FRYL: variants seen among roughly 807,000 people sequenced by gnomAD.
FRYL encodes the protein protein furry homolog-like.
In FRYL, 150 loss-of-function variants were observed where a neutral mutation model predicts 351.2. The ratio of observed to expected loss-of-function variants is 0.43; its 90% CI spans 0.37 to 0.49. The LOEUF (loss-of-function observed/expected upper bound fraction) is 0.49, where lower values mean the gene tolerates loss of function less well. Among genes scored for constraint, FRYL ranks in the 20% least tolerant of loss-of-function variants. The pLI, the probability that FRYL is intolerant of heterozygous loss-of-function variation, is 0.00. For missense variants in FRYL, 3,036 were observed against 3,619.3 expected, an observed-to-expected ratio of 0.84 and a Z score of 4.13; for synonymous variants, 1,153 against 1,257.1, an observed-to-expected ratio of 0.92 and a Z score of 1.75.
chr4:48,586,580 G>T, intron 19 of FRYL, 41 bp downstream of exon 19: 1 of 1,291,934 alleles, frequency 7.7e-7, no homozygotes, highest in South Asian at 1.2e-5. Context: ...TAAAGGAGCA[G>T]AAGACATAAA....
intron 62 of FRYL, among the ~76,000 whole-genome samples, chr4:48,500,618 C>A (rs984309885): frequency 2.0e-5 from 3 of 152,028 alleles, no homozygotes; most frequent in African/African-American, 7.2e-5. Flanking sequence ...ATGTATATTT[C>A]TTTTTACAGA....
intron 7 of FRYL, among the ~76,000 whole-genome samples, chr4:48,614,379 T>C (rs1294182045): frequency 6.6e-6 from 1 of 152,196 alleles, no homozygotes; most frequent in Non-Finnish European, 1.5e-5. Flanking sequence ...CGGTGTGATT[T>C]TAGAAGCGGC....
At chr4:48,636,661 T>A (rs1452893647) in intron 3 of FRYL, among the ~76,000 whole-genome samples, 1 of 151,992 alleles carries the variant, frequency 6.6e-6, no homozygotes, top group Non-Finnish European at 1.5e-5. Context: ...GCCAAAAGTT[T>A]TAGGCAAACC....
chr4:48,511,027 A>G (rs1385967966), intron 57 of FRYL, 43 bp from the exon 58 acceptor site: 8 of 1,465,760 alleles, frequency 5.5e-6, no homozygotes, highest in Non-Finnish European at 7.5e-6. Context: ...TTTCATAAGA[A>G]GGCCTTTTTT....
At chr4:48,709,981 C>A (rs1423306709) in intron 2 of FRYL, among the ~76,000 whole-genome samples, 1 of 152,190 alleles carries the variant, frequency 6.6e-6, no homozygotes, top group Non-Finnish European at 1.5e-5. Flanking sequence ...CAATTTTACT[C>A]TTCCCTCACT....
At chr4:48,759,599 G>A (rs1774190809) in intron 1 of FRYL, among the ~76,000 whole-genome samples, 1 of 152,144 alleles carries the variant, frequency 6.6e-6, no homozygotes, top group Non-Finnish European at 1.5e-5. Flanking sequence ...CCTTCACTCA[G>A]GGATGCCTGC....
rs56320005 is a variant in FRYL, at chr4:48,592,082, T to TTATATATA, written c.1336-1260_1336-1253dup. 2.7e-3 allele frequency among the ~76,000 whole-genome samples: 316 copies of TTATATATA among 116,092 alleles called. 10 individuals carry two copies. Among genetic ancestry groups the TTATATATA allele is most frequent in the South Asian group, 0.011 (37 of 3,426 alleles). The allele number at this position is 116,092 out of a possible 152,430, so 76.2% of individuals were successfully genotyped here. ...GGAATACGGGAAGAAAATAAAGCTC[T>TTATATATA]TATATATATATATATATATATATAT... On this transcript the variant is annotated intron_variant, in intron 16 of 63. Coordinates refer to ENST00000358350, the MANE Select transcript of FRYL (RefSeq NM_015030.2).
chr4:48,575,850 G>T (rs1258350706), intron 24 of FRYL, among the ~76,000 whole-genome samples, 180 bp downstream of exon 24: 2 of 152,156 alleles, frequency 1.3e-5, no homozygotes, highest in African/African-American at 4.8e-5. Context: ...ACGTATTATT[G>T]ATTCCAACTA....
chr4:48,550,649 G>C lies in FRYL; in HGVS notation c.4576C>G (p.His1526Asp). ...GLNSHLNRQH[H>D]RLESRYSSSS... The stretch of plus-strand genomic sequence containing the variant: ...CTACTGTATCGGGATTCTAGTCTGT[G>C]ATGTTGCCGATTCAAATGACTGTTT... Residue 1526 changes from histidine to aspartate, a missense_variant, in exon 38 of 64, where the codon CAC becomes GAC. Around this residue, in one of 7 missense-constraint regions of FRYL, gnomAD observed 1,987 missense variants for 2,311.7 expected, o/e 0.86. Coordinates refer to ENST00000358350, the MANE Select transcript of FRYL (RefSeq NM_015030.2). 1 of 1,614,002 alleles carries C rather than the reference G, an allele frequency of 6.2e-7. No homozygotes were observed. Among genetic ancestry groups the C allele is most frequent in the East Asian group, 2.2e-5 (1 of 44,884 alleles).
chr4:48,706,904 TG>T (rs1767424461), intron 2 of FRYL, among the ~76,000 whole-genome samples: 2 of 152,208 alleles, frequency 1.3e-5, no homozygotes, highest in Admixed American at 1.3e-4. Flanking sequence ...CCCAGAAGGC[TG>T]TTCCTTTGTG....
intron 41 of FRYL, chr4:48,547,369 G>A (rs1418770988): frequency 2.5e-5 from 9 of 354,666 alleles, no homozygotes; most frequent in African/African-American, 6.3e-5. Context: ...GTTAAATCTC[G>A]ATAAAGATCG....
intron 3 of FRYL, among the ~76,000 whole-genome samples, chr4:48,643,324 G>A (rs1755700704): frequency 6.6e-6 from 1 of 152,102 alleles, no homozygotes; most frequent in Non-Finnish European, 1.5e-5. Context: ...GAAGGAAAGG[G>A]GCTCCCTCCT....
rs369626103 is a variant in FRYL at position 48,779,288 on chromosome 4, G to A, written c.-384+790C>T. On this transcript the variant is annotated intron_variant, in intron 1 of 63. Coordinates refer to ENST00000358350, the MANE Select transcript of FRYL (RefSeq NM_015030.2). ...CCCAGGCACCCTGCCCGGTGCCGAG[G>A]CTGAGAGCAGCAGGCAATCTACAGG... Among the ~76,000 whole-genome samples the A allele has an allele frequency of 4.6e-5, 7 of 152,318 alleles. No homozygotes were observed. In the South Asian group the frequency reaches 1.0e-3, roughly 23 times the overall value.
At chr4:48,504,041 A>G (rs1206223356) in intron 60 of FRYL, among the ~76,000 whole-genome samples, 2 of 152,160 alleles carry the variant, frequency 1.3e-5, no homozygotes, top group Non-Finnish European at 2.9e-5. Context: ...GAAATAACAC[A>G]AATGTAATGA....
intron 46 of FRYL, 99 bp downstream of exon 46, chr4:48,540,254 A>G: frequency 7.3e-7 from 1 of 1,376,462 alleles, no homozygotes; most frequent in African/African-American, 1.5e-5. Context: ...AACTATGACT[A>G]TTTGCAAAAA....
chr4:48,663,655 G>A (rs1761208957), intron 3 of FRYL, among the ~76,000 whole-genome samples: 2 of 150,888 alleles, frequency 1.3e-5, no homozygotes, highest in Non-Finnish European at 3.0e-5. Flanking sequence ...GGCGCCTGTA[G>A]TCCCAGCTAC....
chr4:48,532,646 C>A (rs566400044), intron 49 of FRYL, among the ~76,000 whole-genome samples: 4 of 151,902 alleles, frequency 2.6e-5, no homozygotes, highest in African/African-American at 9.7e-5. Flanking sequence ...AACAGAGACT[C>A]CATCTCAAAA....
At chr4:48,502,929 G>T in intron 60 of FRYL, 84 bp from the exon 61 acceptor site, 1 of 1,020,658 alleles carries the variant, frequency 9.8e-7, no homozygotes, top group Admixed American at 1.9e-5. Flanking sequence ...TTTAACTAGG[G>T]TCACAGATGT....
chr4:48,590,603 T>C (rs750812151), intron 17 of FRYL, 56 bp downstream of exon 17: 50 of 1,290,060 alleles, frequency 3.9e-5, no homozygotes, highest in Non-Finnish European at 5.1e-5. Flanking sequence ...ATCAGACTTT[T>C]ATAAAAGAAT....
Sources: allele counts gnomAD v4.1 joint callset (sites outside exome capture counted in the v4.1 genomes callset), GRCh38; gene constraint gnomAD v4.1.1; regional missense constraint gnomAD v4.1.1; transcripts MANE v1.5; gene names NCBI Gene and HGNC (gene_info 2026-07-23, HGNC 2026-07-21).